Variants in IFTAP observed in about 807,000 individuals in gnomAD.
IFTAP encodes intraflagellar transport associated protein, also known as intraflagellar transport-associated protein.
Under a neutral mutation model 19.4 loss-of-function variants are expected in IFTAP, and 19 were observed. The ratio of observed to expected loss-of-function variants is 0.98; its 90% confidence interval spans 0.68 to 1.44. The LOEUF is 1.44. Among genes scored for constraint, IFTAP ranks in the 40% most tolerant of loss-of-function variants. The pLI, the probability that IFTAP is intolerant of heterozygous loss-of-function variation, is 0.00. For synonymous variants in IFTAP, 85 were observed against 83.5 expected, an observed-to-expected ratio of 1.02 and a Z score of -0.10; for missense variants, 240 against 253.6, an observed-to-expected ratio of 0.95 and a Z score of 0.36.
At chr11:36,642,667 G>A (rs1264890485) in intron 4 of IFTAP, among the ~76,000 whole-genome samples, 2 of 152,122 alleles carry the variant, frequency 1.3e-5, no homozygotes, top group African/African-American at 4.8e-5. Flanking sequence ...CTATGATCAA[G>A]TGGGCTTCAT....
chr11:36,622,344 A>G (rs1852330212), intron 2 of IFTAP, among the ~76,000 whole-genome samples: 1 of 152,132 alleles, frequency 6.6e-6, no homozygotes, highest in African/African-American at 2.4e-5. Context: ...GGTGAGTTAA[A>G]GAGGTTGCCT....
chr11:36,630,956 A>G lies in IFTAP; in HGVS notation c.137-2328A>G, dbSNP rs1183808575. On this transcript the variant is annotated intron_variant, in intron 2 of 5. Coordinates refer to ENST00000334307, the MANE Select transcript of IFTAP (RefSeq NM_138787.4). ...CCTATTTCCAAGTGTCTCCATGCCT[A>G]TCTTGCTCTACTCTGCTACCAATGC... Among the ~76,000 whole-genome samples, 5 of 151,312 alleles carry G rather than the reference A, an allele frequency of 3.3e-5. No homozygotes were observed. In the East Asian group the frequency reaches 9.6e-4, roughly 29 times the overall value.
Position 36,648,009 on chromosome 11 carries a change from C to T in IFTAP, c.359-7C>T. On this transcript the variant is annotated splice_polypyrimidine_tract_variant and splice_region_variant and intron_variant, in intron 4 of 5. Coordinates refer to ENST00000334307, the MANE Select transcript of IFTAP (RefSeq NM_138787.4). The stretch of plus-strand genomic sequence containing the variant: ...AAGGCTCAGTTGAAATGTTTTGTAT[C>T]CAACAGATTTGCTGCTGCTTCCAGG... The T allele has an allele frequency of 6.2e-7, 1 of 1,611,502 alleles. No individual in the cohort carries two copies. The highest frequency in any genetic ancestry group is 8.5e-7 in the Non-Finnish European group (1 of 1,178,634).
intron 1 of IFTAP, 149 bp from the exon 2 acceptor site, chr11:36,609,932 C>T (rs1851814882): frequency 1.6e-6 from 1 of 625,020 alleles, no homozygotes. Flanking sequence ...GAATAAAACT[C>T]TGGTCTCTTG....
At chr11:36,642,108 A>G (rs1441315494) in intron 4 of IFTAP, among the ~76,000 whole-genome samples, 1 of 152,216 alleles carries the variant, frequency 6.6e-6, no homozygotes, top group Admixed American at 6.5e-5. Context: ...ATAGACCGCT[A>G]GCAAGACTAA....
intron 4 of IFTAP, among the ~76,000 whole-genome samples, chr11:36,642,895 A>T (rs2133490932): frequency 6.6e-6 from 1 of 152,348 alleles, no homozygotes; most frequent in Non-Finnish European, 1.5e-5. Context: ...ACCCACAGCC[A>T]ATATCATACT....
chr11:36,637,929 G>A (rs1853021441), intron 4 of IFTAP, among the ~76,000 whole-genome samples: 1 of 150,958 alleles, frequency 6.6e-6, no homozygotes, highest in Non-Finnish European at 1.5e-5. Context: ...CGCCCAGGCT[G>A]GAGTGCAATG....
At chr11:36,626,216 A>C (rs1190232565) in intron 2 of IFTAP, among the ~76,000 whole-genome samples, 2 of 151,392 alleles carry the variant, frequency 1.3e-5, no homozygotes, top group Non-Finnish European at 2.9e-5. Context: ...TTAAATAAAA[A>C]TGTTCAAGGG....
chr11:36,658,859 T>C (rs954643383), intron 5 of IFTAP, among the ~76,000 whole-genome samples, 160 bp from the exon 6 acceptor site: 2 of 152,230 alleles, frequency 1.3e-5, no homozygotes, highest in African/African-American at 2.4e-5. Flanking sequence ...TCAAATTGAA[T>C]AATTAAATTT....
chr11:36,629,613 A>G (rs1852651995), intron 2 of IFTAP, among the ~76,000 whole-genome samples: 1 of 151,484 alleles, frequency 6.6e-6, no homozygotes, highest in South Asian at 2.1e-4. Flanking sequence ...TGAGTTCTTT[A>G]AAAATAATCA....
intron 1 of IFTAP, among the ~76,000 whole-genome samples, chr11:36,603,052 A>G (rs1851566779): frequency 6.6e-6 from 1 of 152,204 alleles, no homozygotes; most frequent in Admixed American, 6.6e-5. Flanking sequence ...AATTGAAAAC[A>G]ATCTAATACT....
intron 5 of IFTAP, among the ~76,000 whole-genome samples, chr11:36,658,414 C>T (rs1468860914): frequency 6.6e-6 from 1 of 152,020 alleles, no homozygotes; most frequent in East Asian, 1.9e-4. Context: ...TTTGTAACTA[C>T]TTTACTTATA....
In IFTAP at chr11:36,600,216, A is replaced by G. The variant is rs115898515; in HGVS notation, c.-24+5624A>G. ...AAACTATATTTATTGAGCATCTACT[A>G]TGTACAAAGCCATGTGGAGAATTAG... On this transcript the variant is annotated intron_variant, in intron 1 of 5. Coordinates refer to ENST00000334307, the MANE Select transcript of IFTAP (RefSeq NM_138787.4). Among the ~76,000 whole-genome samples the G allele has an allele frequency of 9.7e-3, 1,474 of 152,366 alleles. 24 individuals carry two copies. The highest frequency in any genetic ancestry group is 0.034 in the African/African-American group (1,399 of 41,584).
intron 2 of IFTAP, among the ~76,000 whole-genome samples, chr11:36,628,259 C>T (rs1018006247): frequency 1.3e-5 from 2 of 151,146 alleles, no homozygotes; most frequent in Non-Finnish European, 2.9e-5. Flanking sequence ...CTGGAATAAT[C>T]GGCGATTCTT....
At chr11:36,622,918 G>A (rs1001862026) in intron 2 of IFTAP, among the ~76,000 whole-genome samples, 1 of 152,044 alleles carries the variant, frequency 6.6e-6, no homozygotes, top group African/African-American at 2.4e-5. Context: ...TATATTGTAT[G>A]GTGTAAGAGT....
intron 4 of IFTAP, among the ~76,000 whole-genome samples, chr11:36,645,267 C>T (rs1565028895): frequency 6.6e-6 from 1 of 152,068 alleles, no homozygotes; most frequent in African/African-American, 2.4e-5. Context: ...TGACAAAATA[C>T]AGAGACAAAT....
At chr11:36,622,083 A>ATTTTTTTTTTTTTTTTTTTTTT (rs199873596) in intron 2 of IFTAP, among the ~76,000 whole-genome samples, 3 of 138,170 alleles carry the variant, frequency 2.2e-5, no homozygotes, top group African/African-American at 2.8e-5. Flanking sequence ...CTCTTGTTCT[A>ATTTTTTTTTTTTTTTTTTTTTT]TTTTTTATTT....
At chr11:36,632,111 A>G (rs1336849022) in intron 2 of IFTAP, among the ~76,000 whole-genome samples, 5 of 151,176 alleles carry the variant, frequency 3.3e-5, no homozygotes, top group Non-Finnish European at 7.4e-5. Context: ...AGCCTTGAGC[A>G]AGTTACTTTC....
At chr11:36,607,656 C>G (rs546236383) in intron 1 of IFTAP, among the ~76,000 whole-genome samples, 4 of 149,200 alleles carry the variant, frequency 2.7e-5, no homozygotes, top group Non-Finnish European at 4.4e-5. Context: ...CAGACCTGTA[C>G]AGTTGTAATC....
Sources: allele counts gnomAD v4.1 joint callset (sites outside exome capture counted in the v4.1 genomes callset), GRCh38; gene constraint gnomAD v4.1.1; transcripts MANE v1.5; gene names NCBI Gene and HGNC (gene_info 2026-07-23, HGNC 2026-07-21).